FERMT2: variants seen among roughly 807,000 people sequenced by gnomAD.
FERMT2 encodes the protein FERM domain containing kindlin 2, also known as fermitin family homolog 2.
In FERMT2, 15 loss-of-function variants were observed where a neutral mutation model predicts 82.7. The ratio of observed to expected loss-of-function variants is 0.18; its 90% CI spans 0.12 to 0.28. The LOEUF is 0.28. Ranked by LOEUF, FERMT2 falls within the 10% of genes least tolerant of loss-of-function variation. The pLI is 1.00. For missense variants in FERMT2, 645 were observed against 809.4 expected (o/e 0.80, Z 2.46); for synonymous variants, 274 against 271.5 (o/e 1.01, Z -0.09).
intron 3 of FERMT2, among the ~76,000 whole-genome samples, chr14:52,917,536 C>T (rs1302791265): frequency 1.3e-5 from 2 of 152,014 alleles, no homozygotes; most frequent in Admixed American, 1.3e-4. Flanking sequence ...AACCCTGTTT[C>T]ACTTTAAAAA....
chr14:52,875,285 C>T lies in FERMT2; in HGVS notation c.1036G>A (p.Val346Ile), dbSNP rs753021602. The change falls in exon 8 of 15, where the codon GTT becomes ATT. Residue 346 changes from valine to isoleucine, a missense_variant. Transcript: ENST00000341590. ...TCCAGGTCTGAAAGGGCAGCATCAA[C>T]TTCATCAACTTCTTTGTCACTGTTG... is the stretch of plus-strand genomic sequence containing the variant. ...LNNSDKEVDE[V>I]DAALSDLEIT... 2.5e-6 allele frequency: 4 copies of T among 1,612,934 alleles called. No individual in the cohort carries two copies. The South Asian group carries it at 3.3e-5, about 13-fold the overall frequency.
intron 2 of FERMT2, among the ~76,000 whole-genome samples, chr14:52,948,986 T>C (rs747696765): frequency 1.4e-4 from 21 of 152,338 alleles, no homozygotes; most frequent in Admixed American, 1.2e-3. Context: ...AAAAGGTTCA[T>C]ACATATTTTG....
At chr14:52,873,900 G>T (rs1297397957) in intron 9 of FERMT2, among the ~76,000 whole-genome samples, 1 of 151,316 alleles carries the variant, frequency 6.6e-6, no homozygotes, top group East Asian at 1.9e-4. Context: ...CTGTGCCACT[G>T]TATTACTATG....
chr14:52,864,337 A>G, intron 12 of FERMT2, 64 bp downstream of exon 12: 1 of 1,261,466 alleles, frequency 7.9e-7, no homozygotes, highest in South Asian at 1.3e-5. Context: ...GGGGAAAAAC[A>G]AAGTTATGTA....
intron 4 of FERMT2, among the ~76,000 whole-genome samples, chr14:52,891,348 CATTT>C (rs532384716): frequency 1.8e-3 from 268 of 152,240 alleles, no homozygotes; most frequent in Non-Finnish European, 2.9e-3. Context: ...AGTCATTTAA[CATTT>C]ATATATTACC....
intron 3 of FERMT2, among the ~76,000 whole-genome samples, chr14:52,904,055 G>A (rs1887835390): frequency 6.6e-6 from 1 of 152,214 alleles, no homozygotes; most frequent in Non-Finnish European, 1.5e-5. Flanking sequence ...AAAGATATAT[G>A]ACACTTTGGA....
intron 10 of FERMT2, among the ~76,000 whole-genome samples, 156 bp from the exon 11 acceptor site, chr14:52,865,009 T>C (rs1885183395): frequency 6.6e-6 from 1 of 152,140 alleles, no homozygotes; most frequent in Non-Finnish European, 1.5e-5. Flanking sequence ...ACACATATAC[T>C]TGGGAAGCTG....
chr14:52,932,131 A>G (rs529896427), intron 2 of FERMT2, among the ~76,000 whole-genome samples: 5 of 152,282 alleles, frequency 3.3e-5, no homozygotes, highest in South Asian at 4.1e-4. Context: ...GAGAAGTTAC[A>G]TAACTTGGCT....
chr14:52,903,922 A>T (rs1887824221), intron 3 of FERMT2, among the ~76,000 whole-genome samples: 1 of 152,240 alleles, frequency 6.6e-6, no homozygotes, highest in Non-Finnish European at 1.5e-5. Flanking sequence ...GGAAGAAAAA[A>T]AGAAAAGTGG....
chr14:52,862,918 G>A (rs1463455744), intron 12 of FERMT2: 6 of 152,172 alleles, frequency 3.9e-5, no homozygotes, highest in Admixed American at 3.3e-4. Flanking sequence ...AACAATGTGT[G>A]GCAGCTCTCG....
intron 7 of FERMT2, among the ~76,000 whole-genome samples, chr14:52,877,630 T>C (rs566045230): frequency 8.8e-4 from 130 of 148,540 alleles, no homozygotes; most frequent in African/African-American, 2.9e-3. Context: ...TGCTTTCTAA[T>C]GTCAACTTTT....
rs77105262 is a variant in FERMT2, at chr14:52,917,426, T to C, written c.391+1697A>G. 1.6e-3 allele frequency among the ~76,000 whole-genome samples: 237 copies of C among 152,356 alleles called. 2 individuals are homozygous for C. The highest frequency in any genetic ancestry group is 5.6e-3 in the African/African-American group (231 of 41,590). ...TATTACTTTGACTTCAAGTCATATT[T>C]GTCATTTGACAAAATGACAAAATAT... is the stretch of plus-strand genomic sequence containing the variant. On this transcript the variant is annotated intron_variant, in intron 3 of 14. Coordinates refer to ENST00000341590, the MANE Select transcript of FERMT2 (RefSeq NM_006832.3).
intron 2 of FERMT2, among the ~76,000 whole-genome samples, chr14:52,938,746 T>C (rs938179461): frequency 6.6e-6 from 1 of 152,144 alleles, no homozygotes; most frequent in Admixed American, 6.6e-5. Context: ...TTTGTATTTT[T>C]AGTAGAGTCA....
Position 52,916,252 on chromosome 14 carries a change from A to C in FERMT2, c.391+2871T>G, listed in dbSNP as rs140587509. On this transcript the variant is annotated intron_variant, in intron 3 of 14. Transcript: ENST00000341590. ...CCAGCTACTTGGGAGGCTGAGGCAG[A>C]AGAATTGCTTGAACCCGGGAAGTGG... 4.1e-3 allele frequency among the ~76,000 whole-genome samples: 620 copies of C among 151,954 alleles called. 3 individuals carry two copies. Among genetic ancestry groups the C allele is most frequent in the African/African-American group, 0.014 (581 of 41,448 alleles).
At chr14:52,904,002 G>C (rs925711709) in intron 3 of FERMT2, among the ~76,000 whole-genome samples, 1 of 152,162 alleles carries the variant, frequency 6.6e-6, no homozygotes, top group South Asian at 2.1e-4. Context: ...GAAAGTAAAC[G>C]AATCAGCAAC....
chr14:52,866,048 C>T (rs780268878), intron 10 of FERMT2, among the ~76,000 whole-genome samples: 1 of 152,164 alleles, frequency 6.6e-6, no homozygotes, highest in Admixed American at 6.5e-5. Context: ...TTTGAAAGTA[C>T]ACAATCTTTT....
intron 3 of FERMT2, among the ~76,000 whole-genome samples, chr14:52,894,474 TAAAAAGAACA>T (rs1215011451): frequency 1.3e-5 from 2 of 152,128 alleles, no homozygotes; most frequent in Non-Finnish European, 2.9e-5. Context: ...AAGACATTCT[TAAAAAGAACA>T]AAATTGGACG....
chr14:52,857,439 A>C lies in FERMT2; in HGVS notation c.*938T>G, dbSNP rs1884640271. Reference sequence around the variant, plus strand: ...AATACAGATTGTAACAGCGCAACAGACTAGAACATGGCCAGTCCAGGCATT... The same window carrying C: ...AATACAGATTGTAACAGCGCAACAGCCTAGAACATGGCCAGTCCAGGCATT... On this transcript the variant is annotated 3_prime_UTR_variant, in exon 15 of 15. Transcript: ENST00000341590. The C allele has an allele frequency of 6.6e-6, 1 of 152,650 alleles. No individual in the cohort carries two copies. Among genetic ancestry groups the C allele is most frequent in the Non-Finnish European group, 1.5e-5 (1 of 68,048 alleles). 9.5% of individuals were successfully genotyped at this position (152,650 alleles called of 1,614,324 possible).
chr14:52,911,994 C>A (rs1277993361), intron 3 of FERMT2, among the ~76,000 whole-genome samples: 1 of 150,690 alleles, frequency 6.6e-6, no homozygotes, highest in African/African-American at 2.4e-5. Context: ...GTGATATTGA[C>A]CCCCACCCTA....
Sources: gnomAD v4.1 joint callset for allele counts (sites outside exome capture counted in the v4.1 genomes callset) on GRCh38, gnomAD v4.1.1 for gene constraint, MANE v1.5 for transcripts, NCBI Gene and HGNC (gene_info 2026-07-23, HGNC 2026-07-21) for gene names.